FAM81A: variants seen among roughly 807,000 people sequenced by gnomAD.
FAM81A encodes the protein protein FAM81A.
Under a neutral mutation model 46.7 loss-of-function variants are expected in FAM81A, and 19 were observed. The ratio of observed to expected loss-of-function variants is 0.41; its 90% CI spans 0.28 to 0.60. FAM81A has a LOEUF of 0.60. Among genes scored for constraint, FAM81A ranks in the 20% least tolerant of loss-of-function variants. The pLI is 0.34. For missense variants in FAM81A, 377 were observed against 453.5 expected (o/e 0.83, Z 1.53); for synonymous variants, 183 against 152.9 (o/e 1.20, Z -1.45).
intron 2 of FAM81A, among the ~76,000 whole-genome samples, chr15:59,432,425 G>A (rs1307529658): frequency 6.6e-6 from 1 of 152,216 alleles, no homozygotes; most frequent in Non-Finnish European, 1.5e-5. Flanking sequence ...GGGGAAGACA[G>A]GGGAATGAAA....
chr15:59,431,981 C>G (rs1422092803), intron 2 of FAM81A, among the ~76,000 whole-genome samples: 1 of 152,156 alleles, frequency 6.6e-6, no homozygotes, highest in Non-Finnish European at 1.5e-5. Context: ...GGAGGGAAAA[C>G]AAAGACGATT....
intron 1 of FAM81A, among the ~76,000 whole-genome samples, chr15:59,443,452 A>G (rs1427287778): frequency 1.3e-5 from 2 of 152,170 alleles, no homozygotes; most frequent in Admixed American, 1.3e-4. Flanking sequence ...ATTCCTTGTC[A>G]TGCCTCTTTC....
chr15:59,459,765 C>T (rs1157110050), intron 2 of FAM81A, among the ~76,000 whole-genome samples, 168 bp from the exon 3 acceptor site: 1 of 152,148 alleles, frequency 6.6e-6, no homozygotes, highest in Non-Finnish European at 1.5e-5. Flanking sequence ...ATTTAAAGAT[C>T]TTTCCCGGCT....
chr15:59,479,336 C>A (rs1355359858), intron 3 of FAM81A, among the ~76,000 whole-genome samples: 3 of 151,756 alleles, frequency 2.0e-5, no homozygotes, highest in Non-Finnish European at 4.4e-5. Context: ...TATGGTGATA[C>A]CCTGTCTCTA....
chr15:59,458,894 C>T (rs1486400414), intron 2 of FAM81A, among the ~76,000 whole-genome samples: 1 of 152,232 alleles, frequency 6.6e-6, no homozygotes, highest in African/African-American at 2.4e-5. Context: ...ACTCCGGGGG[C>T]TTCAGGCTAA....
At chr15:59,514,824 T>C (rs1408216218) in intron 7 of FAM81A, among the ~76,000 whole-genome samples, 9 of 152,230 alleles carry the variant, frequency 5.9e-5, no homozygotes, top group Admixed American at 5.9e-4. Flanking sequence ...CATTCTACTG[T>C]AGCTACATGT....
chr15:59,409,336 G>T (rs183680565), intron 2 of FAM81A, among the ~76,000 whole-genome samples: 47 of 152,212 alleles, frequency 3.1e-4, no homozygotes, highest in African/African-American at 1.1e-3. Context: ...CAGAGAATTG[G>T]TCTCCTTTCT....
rs1228943792 is a variant in FAM81A, at chr15:59,458,653, T to G, written c.20+7T>G. The G allele has an allele frequency of 4.3e-6, 7 of 1,612,906 alleles. No individual in the cohort carries two copies. Among genetic ancestry groups the G allele is most frequent in the Non-Finnish European group, 5.1e-6 (6 of 1,178,978 alleles). ...TGGAAAATATGCATCTAAGGTATAC[T>G]TTTCCTTTCCACTCATCCCATGGGG... On this transcript the variant is annotated splice_region_variant and intron_variant, in intron 2 of 8. Transcript: ENST00000288228.
At chr15:59,515,302 A>G (rs2082255245) in intron 7 of FAM81A, among the ~76,000 whole-genome samples, 1 of 152,234 alleles carries the variant, frequency 6.6e-6, no homozygotes, top group Non-Finnish European at 1.5e-5. Flanking sequence ...CTCCCAAACC[A>G]GTACCTGGCA....
At chr15:59,480,605 C>G (rs982699961) in intron 3 of FAM81A, among the ~76,000 whole-genome samples, 1 of 152,110 alleles carries the variant, frequency 6.6e-6, no homozygotes, top group Non-Finnish European at 1.5e-5. Flanking sequence ...TGCACCTGGA[C>G]AATGCACTTT....
intron 1 of FAM81A, among the ~76,000 whole-genome samples, chr15:59,399,185 CAAAA>C (rs1163439120): frequency 4.0e-5 from 6 of 151,762 alleles, no homozygotes; most frequent in African/African-American, 1.5e-4. Context: ...AAAACAAAAA[CAAAA>C]AAGAAGAACA....
At chr15:59,398,596 C>CAAAAAA (rs3053045) in intron 1 of FAM81A, among the ~76,000 whole-genome samples, 18 of 149,720 alleles carry the variant, frequency 1.2e-4, no homozygotes, top group Non-Finnish European at 2.4e-4. Flanking sequence ...CAGTCTCTAT[C>CAAAAAA]AAAAAAAGAA....
At chr15:59,416,073 G>A (rs1309949715) in intron 2 of FAM81A, among the ~76,000 whole-genome samples, 1 of 152,164 alleles carries the variant, frequency 6.6e-6, no homozygotes, top group African/African-American at 2.4e-5. Flanking sequence ...AAAATGGAAA[G>A]AGCACTATAA....
At chr15:59,436,888 T>G (rs2081246826), upstream of FAM81A, among the ~76,000 whole-genome samples, 1 of 152,236 alleles carries the variant, frequency 6.6e-6, no homozygotes, top group South Asian at 2.1e-4. Context: ...TGTGATTATT[T>G]GATGAATGCT....
At chr15:59,479,757 G>A (rs1408299632) in intron 3 of FAM81A, among the ~76,000 whole-genome samples, 1 of 151,946 alleles carries the variant, frequency 6.6e-6, no homozygotes, top group African/African-American at 2.4e-5. Context: ...CTGGGGGAAG[G>A]GCAGCCCGTG....
intron 3 of FAM81A, among the ~76,000 whole-genome samples, chr15:59,475,048 G>C (rs553920444): frequency 6.6e-6 from 1 of 152,288 alleles, no homozygotes; most frequent in Admixed American, 6.5e-5. Flanking sequence ...TTTGATGAGA[G>C]ATCACTTGAA....
intron 2 of FAM81A, among the ~76,000 whole-genome samples, chr15:59,412,718 G>GAAAA (rs34110501): frequency 2.1e-5 from 3 of 145,924 alleles, no homozygotes; most frequent in African/African-American, 7.6e-5. Flanking sequence ...CCCTGTCACA[G>GAAAA]AAAAAAAAAA....
At chr15:59,473,877 A>G (rs959173664) in intron 3 of FAM81A, among the ~76,000 whole-genome samples, 1 of 152,122 alleles carries the variant, frequency 6.6e-6, no homozygotes, top group Non-Finnish European at 1.5e-5. Flanking sequence ...AGGTCTTGCT[A>G]TGTTGCCCAG....
intron 2 of FAM81A, among the ~76,000 whole-genome samples, chr15:59,421,916 TATCTATC>T (rs2081175617): frequency 7.8e-6 from 1 of 127,662 alleles, no homozygotes; most frequent in Non-Finnish European, 1.7e-5. Flanking sequence ...TCTATCTATC[TATCTATC>T]ATCTGTCACC....
Sources: allele counts gnomAD v4.1 joint callset (sites outside exome capture counted in the v4.1 genomes callset), GRCh38; gene constraint gnomAD v4.1.1; transcripts MANE v1.5; gene names NCBI Gene and HGNC (gene_info 2026-07-23, HGNC 2026-07-21).